ZPBP: variants seen among roughly 807,000 people sequenced by gnomAD.
ZPBP encodes the protein zona pellucida binding protein.
A neutral mutation model predicts 44.8 loss-of-function variants in ZPBP; 26 were observed. That is an observed-to-expected ratio of 0.58 (90% CI 0.43 to 0.81). ZPBP has a LOEUF of 0.81. ZPBP is among the 30% of genes least tolerant of loss of function. The probability of loss-of-function intolerance (pLI) is 0.00; values close to 1 mark genes in which losing one functional copy is unlikely to be tolerated. For synonymous variants in ZPBP, 174 were observed against 153.2 expected (o/e 1.14, Z -1.00); for missense variants, 409 against 434.0 (o/e 0.94, Z 0.51).
chr7:49,858,889 T>C (rs1790536452), intron 2 of ZPBP, among the ~76,000 whole-genome samples: 1 of 152,218 alleles, frequency 6.6e-6, no homozygotes, highest in Non-Finnish European at 1.5e-5. Context: ...TCCTTAGTAT[T>C]CTCTTCCAGA....
rs536880676 is a variant in ZPBP at position 49,892,031 on chromosome 7, A to ATT, written n.509+9085_509+9086dup. Among the ~76,000 whole-genome samples, 112 of 53,292 alleles carry ATT rather than the reference A, an allele frequency of 2.1e-3. 6 individuals are homozygous for ATT. The highest frequency in any genetic ancestry group is 0.021 in the Middle Eastern group (1 of 48). The allele number at this position is 53,292 out of a possible 152,430, so 35.0% of individuals were successfully genotyped here. A position where few individuals can be genotyped will look rare whatever the true frequency, so the allele number is the denominator to read the frequency against. ...GCAGTTGGCAGAACAGACAAAGTAG[A>ATT]TTTTTTTTTTTTTTTTTTTTTTTTT... On this transcript the variant is annotated intron_variant and non_coding_transcript_variant, in intron 2 of 2. Coordinates refer to the ZPBP transcript ENST00000465922.
In ZPBP at chr7:50,018,409, T is replaced by C. The variant is rs1798925687; in HGVS notation, c.707-93A>G. On this transcript the variant is annotated intron_variant, in intron 5 of 7. Coordinates refer to ENST00000046087, the MANE Select transcript of ZPBP (RefSeq NM_007009.3). ...GAAAAATGAAAGGATATTCTAACAT[T>C]TCTCTTCCATTAAAATATTAAGCAA... is the stretch of plus-strand genomic sequence containing the variant. The C allele has an allele frequency of 3.4e-5, 35 of 1,038,174 alleles. No individual in the cohort carries two copies. The South Asian group carries it at 4.3e-4, about 13-fold the overall frequency. 64.3% of individuals were successfully genotyped at this position (1,038,174 alleles called of 1,614,324 possible).
At chr7:49,941,067 G>A (rs12691361) in intron 7 of ZPBP, among the ~76,000 whole-genome samples, 118,283 of 152,100 alleles carry the variant, frequency 0.78, 46,166 homozygotes, top group East Asian at 0.89. Context: ...ATCACTAAGC[G>A]TAAGAGAAAA....
At chr7:49,882,409 T>C (rs1234166770) in intron 2 of ZPBP, among the ~76,000 whole-genome samples, 2 of 152,204 alleles carry the variant, frequency 1.3e-5, no homozygotes, top group Non-Finnish European at 2.9e-5. Flanking sequence ...TTTTGTCTTC[T>C]CTTTTAGTCT....
rs1416449038 is a variant in ZPBP, at chr7:49,981,385, AT to A, written c.961+1956del. On this transcript the variant is annotated intron_variant, in intron 7 of 7. Coordinates refer to ENST00000046087, the MANE Select transcript of ZPBP (RefSeq NM_007009.3). Reference sequence around the variant, plus strand: ...TATATAATTATATATATTATATATAATTATATATATTATATATAAAATATAT... The same window carrying A: ...TATATAATTATATATATTATATATAATATATATATTATATATAAAATATAT... Among the ~76,000 whole-genome samples, 6 of 1,024 alleles carry A rather than the reference AT, an allele frequency of 5.9e-3. 1 individual carries two copies. The South Asian group carries it at 0.23, about 39-fold the overall frequency. 0.7% of individuals were successfully genotyped at this position (1,024 alleles called of 152,430 possible).
At chr7:49,905,866 GCCATGAGAGTGA>G (rs935495158) in intron 1 of ZPBP, among the ~76,000 whole-genome samples, 1 of 152,158 alleles carries the variant, frequency 6.6e-6, no homozygotes, top group African/African-American at 2.4e-5. Context: ...AACCAAGATG[GCCATGAGAGTGA>G]CCTCTAGTCA....
At chr7:50,068,843 G>A (rs1298408976) in intron 3 of ZPBP, among the ~76,000 whole-genome samples, 3 of 152,150 alleles carry the variant, frequency 2.0e-5, no homozygotes, top group South Asian at 2.1e-4. Flanking sequence ...GTATACAACC[G>A]AAATGCCTCA....
In ZPBP at chr7:49,922,799, A is replaced by G. The variant is rs115194577; in HGVS notation, n.411+12952T>C. On this transcript the variant is annotated intron_variant and non_coding_transcript_variant, in intron 1 of 2. Transcript: ENST00000465922. ...GCTGATCTGAGGCTACACAAATACA[A>G]TGGAGCAGAAACAACAATAGGTTCA... Among the ~76,000 whole-genome samples the G allele has an allele frequency of 7.5e-3, 1,149 of 152,310 alleles. 23 individuals carry two copies. The highest frequency in any genetic ancestry group is 0.026 in the African/African-American group (1,089 of 41,562).
intron 2 of ZPBP, among the ~76,000 whole-genome samples, chr7:50,088,961 C>T (rs766518060): frequency 5.9e-5 from 9 of 151,970 alleles, no homozygotes; most frequent in African/African-American, 1.9e-4. Flanking sequence ...ACCTCAAAAA[C>T]GTCATACTAA....
intron 4 of ZPBP, among the ~76,000 whole-genome samples, chr7:50,039,731 A>G (rs1799978812): frequency 6.6e-6 from 1 of 152,154 alleles, no homozygotes; most frequent in Admixed American, 6.6e-5. Context: ...CTATAAATAT[A>G]TACTTCCTCT....
At chr7:49,998,316 G>A (rs532936914) in intron 6 of ZPBP, among the ~76,000 whole-genome samples, 4 of 152,046 alleles carry the variant, frequency 2.6e-5, no homozygotes, top group South Asian at 2.1e-4. Context: ...ATTGATATTC[G>A]GCCCTGCAGC....
At position 50,093,141 on chromosome 7, in the gene ZPBP, G is replaced by A; in HGVS notation, c.54C>T (p.Ala18=). The A allele has an allele frequency of 3.2e-6, 5 of 1,550,550 alleles. No homozygotes were observed. The highest frequency in any genetic ancestry group is 4.3e-6 in the Non-Finnish European group (5 of 1,149,908). ...CGGCCCGAGAGAGCAGGGAGCCGGC[G>A]GCCCGGGTCCGCCGCCTGCCCCGCC... is the stretch of plus-strand genomic sequence containing the variant. ...PARRGRRRTR[A]AGSLLSRAAI... is the part of the protein sequence containing the mutation. The change falls in exon 1 of 8, where the codon GCC becomes GCT. Residue 18 remains alanine, a synonymous_variant. Coordinates refer to ENST00000046087, the MANE Select transcript of ZPBP (RefSeq NM_007009.3).
At chr7:50,050,180 A>G (rs1800618856) in intron 4 of ZPBP, among the ~76,000 whole-genome samples, 2 of 152,090 alleles carry the variant, frequency 1.3e-5, no homozygotes, top group African/African-American at 4.8e-5. Context: ...TCTTCCCCAA[A>G]TTAATCTATA....
At chr7:50,076,432 T>C (rs186342109) in intron 3 of ZPBP, among the ~76,000 whole-genome samples, 61 of 151,906 alleles carry the variant, frequency 4.0e-4, no homozygotes, top group Non-Finnish European at 1.0e-4. Flanking sequence ...TCAGACAAGA[T>C]AGATACAAAG....
intron 1 of ZPBP, among the ~76,000 whole-genome samples, chr7:49,922,966 A>C (rs1794085379): frequency 6.6e-6 from 1 of 152,224 alleles, no homozygotes; most frequent in Admixed American, 6.5e-5. Context: ...GAACCAAAAA[A>C]AGATTTTTTG....
intron 5 of ZPBP, among the ~76,000 whole-genome samples, chr7:50,022,280 A>C (rs925926239): frequency 6.6e-6 from 1 of 152,122 alleles, no homozygotes; most frequent in Non-Finnish European, 1.5e-5. Context: ...TTTTTCACTC[A>C]TCTTTTTTAT....
At chr7:49,980,382 T>A (rs1057151239) in intron 7 of ZPBP, among the ~76,000 whole-genome samples, 1 of 145,234 alleles carries the variant, frequency 6.9e-6, no homozygotes, top group African/African-American at 2.5e-5. Flanking sequence ...TAAAAGAGTT[T>A]AAAAAATTTA....
intron 3 of ZPBP, among the ~76,000 whole-genome samples, chr7:50,059,544 TA>T (rs1801141460): frequency 1.3e-5 from 2 of 152,202 alleles, no homozygotes; most frequent in South Asian, 4.1e-4. Context: ...AAGTCTTTTA[TA>T]AACGAAGTTA....
At chr7:49,989,358 A>C (rs1797459866) in intron 6 of ZPBP, among the ~76,000 whole-genome samples, 1 of 152,100 alleles carries the variant, frequency 6.6e-6, no homozygotes, top group Admixed American at 6.5e-5. Flanking sequence ...AGTTTGCCCA[A>C]CTCACAGGTT....
Sources: gnomAD v4.1 joint callset for allele counts (sites outside exome capture counted in the v4.1 genomes callset) on GRCh38, gnomAD v4.1.1 for gene constraint, MANE v1.5 for transcripts, NCBI Gene and HGNC (gene_info 2026-07-23, HGNC 2026-07-21) for gene names.